Variants in SLC13A2 observed in about 807,000 individuals in gnomAD.
The protein encoded by SLC13A2 is Na(+)-coupled citrate transporter.
SLC13A2 carries 40 observed loss-of-function variants against 58.5 expected under a neutral mutation model. The ratio of observed to expected loss-of-function variants is 0.68; its 90% CI spans 0.53 to 0.89. The LOEUF (loss-of-function observed/expected upper bound fraction) is 0.89, where lower values mean the gene tolerates loss of function less well. SLC13A2 is among the 40% of genes least tolerant of loss of function. SLC13A2 has a pLI of 0.00. For synonymous variants in SLC13A2, 341 were observed against 331.6 expected, an observed-to-expected ratio of 1.03 and a Z score of -0.31; for missense variants, 694 against 772.6, an observed-to-expected ratio of 0.90 and a Z score of 1.21.
chr17:28,484,080 A>C (rs1555601596), intron 1 of SLC13A2, among the ~76,000 whole-genome samples: 1 of 152,204 alleles, frequency 6.6e-6, no homozygotes, highest in African/African-American at 2.4e-5. Flanking sequence ...ATTCAGTGTC[A>C]ACTCTGCTAA....
chr17:28,494,456 C>G lies in SLC13A2; in HGVS notation c.1252C>G (p.Pro418Ala). The part of the protein sequence containing the change: ...LDWKTVNQKM[P>A]WNIVLLLGGG... ...CTGGAAGACGGTGAACCAGAAGATG[C>G]CGTGGAATATCGTGTTATTGCTGGG... Residue 418 changes from proline to alanine, a missense_variant, in exon 9 of 12, where the codon CCG becomes GCG. Coordinates refer to ENST00000314669, the MANE Select transcript of SLC13A2 (RefSeq NM_003984.4). The surrounding 1 kb of genome is among the most constrained non-coding windows in gnomAD (Gnocchi z 4.0). The G allele has an allele frequency of 6.2e-7, 1 of 1,614,116 alleles. No homozygotes were observed.
chr17:28,492,454 G>T (rs896766883), intron 6 of SLC13A2, among the ~76,000 whole-genome samples: 2 of 152,236 alleles, frequency 1.3e-5, no homozygotes, highest in Non-Finnish European at 2.9e-5. Flanking sequence ...CAGCCAGGTA[G>T]AGAATGGGTG....
At position 28,494,049 on chromosome 17, in the gene SLC13A2, T is replaced by A; in HGVS notation, c.1130T>A (p.Ile377Asn). ...TCCGATGGGACAGTGGCCATCTTCA[T>A]CGGCATAATTATGTTCATCATACCC... ...MVSDGTVAIF[I>N]GIIMFIIPSK... is the part of the protein sequence containing the mutation. Residue 377 changes from isoleucine to asparagine, a missense_variant, in exon 8 of 12, where the codon ATC (isoleucine) becomes AAC (asparagine). By Grantham distance (149) the Ile-to-Asn change is moderately radical. Transcript: ENST00000314669. This position sits in a 1 kb window ranked among gnomAD's most constrained non-coding sequence, Gnocchi z 4.0. 1.2e-6 allele frequency: 2 copies of A among 1,613,834 alleles called. No homozygotes were observed. The highest frequency in any genetic ancestry group is 1.7e-6 in the Non-Finnish European group (2 of 1,179,890).
rs2069100034 is a variant in SLC13A2, at chr17:28,494,477, C to A, written c.1273C>A (p.Leu425Met). Reference protein sequence around the residue: ...QKMPWNIVLLLGGGYALAKGS... With the variant: ...QKMPWNIVLLMGGGYALAKGS... ...GATGCCGTGGAATATCGTGTTATTG[C>A]TGGGTGGTGGCTATGCCCTGGCCAA... The change falls in exon 9 of 12, where the codon CTG (leucine) becomes ATG (methionine). Residue 425 changes from leucine (L) to methionine (M), a missense_variant. Leu to Met is a conservative substitution (Grantham distance 15). Transcript: ENST00000314669. The surrounding 1 kb of genome is among the most constrained non-coding windows in gnomAD (Gnocchi z 4.0). The A allele has an allele frequency of 6.2e-7, 1 of 1,613,992 alleles. No homozygotes were observed. The highest frequency in any genetic ancestry group is 1.3e-5 in the African/African-American group (1 of 74,914).
chr17:28,493,264 A>G (rs782780533), intron 6 of SLC13A2, among the ~76,000 whole-genome samples: 7 of 152,188 alleles, frequency 4.6e-5, no homozygotes, highest in Non-Finnish European at 1.0e-4. Flanking sequence ...GAGCCAGGGC[A>G]GGAAGAAGTC....
intron 1 of SLC13A2, among the ~76,000 whole-genome samples, chr17:28,488,826 G>C (rs2068941779): frequency 6.6e-6 from 1 of 152,132 alleles, no homozygotes; most frequent in Admixed American, 6.6e-5. Context: ...TAAAAGCCAG[G>C]GAACGCCAGG....
intron 1 of SLC13A2, chr17:28,487,514 C>T (rs1230169567): frequency 2.0e-6 from 2 of 984,802 alleles, no homozygotes; most frequent in African/African-American, 1.7e-5. Context: ...AGTCATCCTC[C>T]AATACTTATA....
rs2069172715 is a variant in SLC13A2, at chr17:28,497,537, G to A, written c.*268G>A. Reference sequence around the variant, plus strand: ...TGTGACGTGAGGCTATCTGAGGGGGGCTGTGTGCATGCACATGATCCTAGG... The same window carrying A: ...TGTGACGTGAGGCTATCTGAGGGGGACTGTGTGCATGCACATGATCCTAGG... On this transcript the variant is annotated 3_prime_UTR_variant, in exon 12 of 12. Transcript: ENST00000314669. The A allele has an allele frequency of 5.9e-6, 3 of 508,104 alleles. No individual in the cohort carries two copies. The highest frequency in any genetic ancestry group is 1.9e-5 in the African/African-American group (1 of 52,836). 31.5% of individuals were successfully genotyped at this position (508,104 alleles called of 1,614,324 possible).
intron 1 of SLC13A2, among the ~76,000 whole-genome samples, chr17:28,479,365 A>G (rs1257992341): frequency 6.6e-6 from 1 of 152,158 alleles, no homozygotes; most frequent in African/African-American, 2.4e-5. Context: ...GGCTCGAGTG[A>G]GGCCTTAAGA....
At position 28,490,561 on chromosome 17, in the gene SLC13A2, C is replaced by T. The variant is rs561026568; in HGVS notation, c.339C>T (p.Val113=). ...TGCATAAACGCATCGCCCTCCGTGT[C>T]CTCCTCATCGTTGGGGTGCGGCCTG... The part of the protein sequence containing the change: ...WNLHKRIALR[V]LLIVGVRPAP... The change falls in exon 3 of 12, where the codon GTC becomes GTT. Residue 113 remains valine (V), a synonymous_variant. Coordinates refer to ENST00000314669, the MANE Select transcript of SLC13A2 (RefSeq NM_003984.4). 1 of 1,608,150 alleles carries T rather than the reference C, an allele frequency of 6.2e-7. No individual in the cohort carries two copies. The highest frequency in any genetic ancestry group is 1.7e-5 in the Admixed American group (1 of 59,858).
chr17:28,496,677 A>G lies in SLC13A2; in HGVS notation c.1608+90A>G. The G allele has an allele frequency of 6.6e-7, 1 of 1,506,082 alleles. No homozygotes were observed. The highest frequency in any genetic ancestry group is 9.0e-7 in the Non-Finnish European group (1 of 1,116,854). 93.3% of individuals were successfully genotyped at this position (1,506,082 alleles called of 1,614,324 possible). ...ACCACAAAGCAGCTTAAAGCCACTG[A>G]GAGTCTCAGAGTTGAGCGGGTCCTC... On this transcript the variant is annotated intron_variant, in intron 11 of 11. Transcript: ENST00000314669. The surrounding 1 kb of genome is among the most constrained non-coding windows in gnomAD (Gnocchi z 4.2).
intron 10 of SLC13A2, 68 bp downstream of exon 10, chr17:28,495,884 G>A: frequency 6.6e-7 from 1 of 1,524,250 alleles, no homozygotes. Context: ...GGTTCTGCCT[G>A]CTGGGCAGAG....
chr17:28,474,187 C>T (rs762237801), intron 1 of SLC13A2, among the ~76,000 whole-genome samples: 22 of 152,018 alleles, frequency 1.4e-4, no homozygotes, highest in Non-Finnish European at 2.5e-4. Context: ...GGGGAGGGGA[C>T]GGCTGGGTAA....
At position 28,497,447 on chromosome 17, in the gene SLC13A2, T is replaced by A; in HGVS notation, c.*178T>A. On this transcript the variant is annotated 3_prime_UTR_variant, in exon 12 of 12. Transcript: ENST00000314669. ...GGTGTATGCTCAGTTTCCTATGTGC[T>A]GGAATAAAAGGTGTGTGCATGTGTG... 1.5e-6 allele frequency: 1 copy of A among 678,294 alleles called. No individual in the cohort carries two copies. Among genetic ancestry groups the A allele is most frequent in the Non-Finnish European group, 2.4e-6 (1 of 409,356 alleles). 42.0% of individuals were successfully genotyped at this position (678,294 alleles called of 1,614,324 possible). A position where few individuals can be genotyped will look rare whatever the true frequency, so the allele number is the denominator to read the frequency against.
Position 28,473,766 on chromosome 17 carries a change from C to T in SLC13A2, c.54C>T (p.Phe18=). ...LWAYRSYLIV[F]FVPILLLPLP... ...CCTATCGCTCCTACCTGATCGTGTT[C>T]TTCGTGCCCATTCTCCTGCTGCCTC... The change falls in exon 1 of 12, where the codon TTC becomes TTT. Residue 18 remains phenylalanine, a synonymous_variant. Transcript: ENST00000314669. 1 of 1,614,214 alleles carries T rather than the reference C, an allele frequency of 6.2e-7. No homozygotes were observed. Among genetic ancestry groups the T allele is most frequent in the Non-Finnish European group, 8.5e-7 (1 of 1,180,036 alleles).
chr17:28,490,747 A>T lies in SLC13A2; in HGVS notation c.415A>T (p.Ile139Phe), dbSNP rs782115558. 3 of 1,613,970 alleles carry T rather than the reference A, an allele frequency of 1.9e-6. No homozygotes were observed. Among genetic ancestry groups the T allele is most frequent in the Admixed American group, 3.3e-5 (2 of 59,984 alleles). The change falls in exon 4 of 12, where the codon ATC becomes TTC. Residue 139 changes from isoleucine (I) to phenylalanine (F), a missense_variant. By Grantham distance (21) the Ile-to-Phe change is conservative. Transcript: ENST00000314669. ...GGTCACGGCCTTCCTGTCCATGTGG[A>T]TCAGCAACACGGCCACCTCAGCCAT... ...MLVTAFLSMWISNTATSAMMV... is the reference protein window; with the variant it reads ...MLVTAFLSMWFSNTATSAMMV...
At chr17:28,482,743 T>A (rs1555601343) in intron 1 of SLC13A2, among the ~76,000 whole-genome samples, 2 of 152,144 alleles carry the variant, frequency 1.3e-5, no homozygotes, top group African/African-American at 4.8e-5. Flanking sequence ...CTGTTCTACA[T>A]TTACTCCCTC....
chr17:28,476,376 C>G (rs934417922), intron 1 of SLC13A2, among the ~76,000 whole-genome samples: 8 of 152,150 alleles, frequency 5.3e-5, no homozygotes, highest in African/African-American at 1.9e-4. Flanking sequence ...TGAGACCAGC[C>G]TGGGCAACAT....
At chr17:28,495,909 A>C in intron 10 of SLC13A2, 93 bp downstream of exon 10, 1 of 1,424,224 alleles carries the variant, frequency 7.0e-7, no homozygotes. Flanking sequence ...CTGTCTTTGC[A>C]CCTCCTCTTT....
Sources: allele counts gnomAD v4.1 joint callset (sites outside exome capture counted in the v4.1 genomes callset), GRCh38; gene constraint gnomAD v4.1.1; non-coding constraint Gnocchi (gnomAD v3.1); transcripts MANE v1.5; gene names NCBI Gene and HGNC (gene_info 2026-07-23, HGNC 2026-07-21).